PTPN4: variants seen among roughly 807,000 people sequenced by gnomAD.
PTPN4 encodes protein tyrosine phosphatase non-receptor type 4, also known as tyrosine-protein phosphatase non-receptor type 4.
PTPN4 carries 49 observed loss-of-function variants against 135.5 expected under a neutral mutation model. The ratio of observed to expected loss-of-function variants is 0.36; its 90% CI spans 0.29 to 0.46. The LOEUF is 0.46. Ranked by LOEUF, PTPN4 falls within the 20% of genes least tolerant of loss-of-function variation. The pLI is 1.00. For missense variants in PTPN4, 860 were observed against 1,101.0 expected, an observed-to-expected ratio of 0.78 and a Z score of 3.10; for synonymous variants, 333 against 369.9, an observed-to-expected ratio of 0.90 and a Z score of 1.14.
intron 2 of PTPN4, among the ~76,000 whole-genome samples, chr2:119,832,805 A>G (rs1677238321): frequency 6.6e-6 from 1 of 152,084 alleles, no homozygotes; most frequent in Non-Finnish European, 1.5e-5. Flanking sequence ...TTGCATCTCT[A>G]TTCCTGCATG....
intron 5 of PTPN4, among the ~76,000 whole-genome samples, chr2:119,878,819 T>C (rs545702986): frequency 4.4e-4 from 66 of 150,816 alleles, no homozygotes; most frequent in African/African-American, 5.6e-4. Flanking sequence ...TGTGGCCGGG[T>C]GCAGTGGCTC....
In PTPN4 at chr2:119,857,089, A is replaced by T. The variant is rs983524797; in HGVS notation, c.139-5447A>T. Among the ~76,000 whole-genome samples, 19 of 151,216 alleles carry T rather than the reference A, an allele frequency of 1.3e-4. No homozygotes were observed. The East Asian group carries it at 2.4e-3, about 19-fold the overall frequency. On this transcript the variant is annotated intron_variant, in intron 2 of 26. Transcript: ENST00000263708. ...ATTTCTTTTTTACTTATATTTTTAA[A>T]TTTTTTTTTATTTTGAGACAGTCTT... is the stretch of plus-strand genomic sequence containing the variant.
intron 10 of PTPN4, among the ~76,000 whole-genome samples, chr2:119,906,401 C>G (rs1678488560): frequency 6.6e-6 from 1 of 152,046 alleles, no homozygotes; most frequent in Non-Finnish European, 1.5e-5. Flanking sequence ...AATTCCTCAA[C>G]AGAATACTAG....
At chr2:119,884,562 A>G (rs957313654) in intron 8 of PTPN4, among the ~76,000 whole-genome samples, 1 of 152,210 alleles carries the variant, frequency 6.6e-6, no homozygotes, top group Non-Finnish European at 1.5e-5. Context: ...ATCTAAGTAA[A>G]TTCCATTCAT....
intron 9 of PTPN4, 110 bp downstream of exon 9, chr2:119,885,992 A>C: frequency 1.4e-6 from 1 of 694,896 alleles, no homozygotes; most frequent in South Asian, 2.9e-5. Flanking sequence ...CTGCTGACAC[A>C]GCTGCACTGA....
At chr2:119,897,033 A>G (rs906382732) in intron 9 of PTPN4, among the ~76,000 whole-genome samples, 11 of 151,992 alleles carry the variant, frequency 7.2e-5, no homozygotes, top group Middle Eastern at 3.2e-3. Flanking sequence ...TGATTCTCCC[A>G]CCTCAGCCTC....
intron 13 of PTPN4, among the ~76,000 whole-genome samples, chr2:119,931,246 C>T (rs923717595): frequency 4.6e-5 from 7 of 151,954 alleles, no homozygotes; most frequent in Admixed American, 1.3e-4. Context: ...TAACTCTGCA[C>T]TTCATAAAGC....
chr2:119,872,950 G>T (rs1677933781), intron 3 of PTPN4, among the ~76,000 whole-genome samples: 1 of 152,066 alleles, frequency 6.6e-6, no homozygotes, highest in South Asian at 2.1e-4. Context: ...TAAGACCAAG[G>T]CTATTTACAA....
intron 15 of PTPN4, among the ~76,000 whole-genome samples, chr2:119,940,452 A>G (rs1679044259): frequency 6.6e-6 from 1 of 152,176 alleles, no homozygotes; most frequent in Non-Finnish European, 1.5e-5. Flanking sequence ...ATCTTAGAAA[A>G]TAAGGGTTTG....
At chr2:119,829,284 A>C (rs774682090) in intron 2 of PTPN4, among the ~76,000 whole-genome samples, 3 of 152,210 alleles carry the variant, frequency 2.0e-5, no homozygotes, top group Non-Finnish European at 4.4e-5. Flanking sequence ...TGTATGGTTC[A>C]ATGTTTTTAT....
chr2:119,793,056 C>T (rs1459860286), intron 1 of PTPN4, among the ~76,000 whole-genome samples: 1 of 152,184 alleles, frequency 6.6e-6, no homozygotes, highest in Non-Finnish European at 1.5e-5. Context: ...TAACAGGAAA[C>T]AGGGTTCAAG....
intron 15 of PTPN4, among the ~76,000 whole-genome samples, chr2:119,940,224 G>A (rs1449273235): frequency 6.6e-6 from 1 of 152,144 alleles, no homozygotes; most frequent in African/African-American, 2.4e-5. Flanking sequence ...AAAGTGCCTT[G>A]TGCGTTAATT....
intron 2 of PTPN4, among the ~76,000 whole-genome samples, chr2:119,831,532 T>A (rs1677220074): frequency 6.6e-6 from 1 of 152,220 alleles, no homozygotes; most frequent in Admixed American, 6.5e-5. Flanking sequence ...ACATTCTTTT[T>A]AAATATTATT....
At chr2:119,891,375 T>A (rs971287152) in intron 9 of PTPN4, among the ~76,000 whole-genome samples, 1 of 152,186 alleles carries the variant, frequency 6.6e-6, no homozygotes, top group African/African-American at 2.4e-5. Flanking sequence ...CAGGTTGGAG[T>A]GCAGTCGTGT....
At chr2:119,932,573 C>T (rs1398524739) in intron 14 of PTPN4, 24 bp downstream of exon 14, 1 of 1,571,504 alleles carries the variant, frequency 6.4e-7, no homozygotes, top group East Asian at 2.3e-5. Context: ...TTGTGACCAA[C>T]ATCAGGTGTG....
chr2:119,871,608 G>C (rs1677911213), intron 3 of PTPN4, among the ~76,000 whole-genome samples: 1 of 151,968 alleles, frequency 6.6e-6, no homozygotes, highest in Non-Finnish European at 1.5e-5. Flanking sequence ...ATACTTGCTG[G>C]TATGTGAACA....
chr2:119,911,688 A>G (rs1678574376), intron 10 of PTPN4, among the ~76,000 whole-genome samples: 1 of 152,118 alleles, frequency 6.6e-6, no homozygotes, highest in African/African-American at 2.4e-5. Flanking sequence ...AAGGCAAACA[A>G]ATGGGGAAGA....
At chr2:119,870,648 A>G (rs1198622876) in intron 3 of PTPN4, among the ~76,000 whole-genome samples, 1 of 152,230 alleles carries the variant, frequency 6.6e-6, no homozygotes, top group African/African-American at 2.4e-5. Flanking sequence ...GGTAGAAGAA[A>G]CAGCCCAAGT....
intron 9 of PTPN4, among the ~76,000 whole-genome samples, chr2:119,887,281 G>A (rs1446455341): frequency 6.6e-6 from 1 of 152,144 alleles, no homozygotes; most frequent in Non-Finnish European, 1.5e-5. Context: ...GTAAGCCCAG[G>A]TGTTCAAGAC....
Sources: allele counts gnomAD v4.1 joint callset (sites outside exome capture counted in the v4.1 genomes callset), GRCh38; gene constraint gnomAD v4.1.1; transcripts MANE v1.5; gene names NCBI Gene and HGNC (gene_info 2026-07-23, HGNC 2026-07-21).